Variants in IFT52 observed in about 807,000 individuals in gnomAD.
IFT52 encodes intraflagellar transport protein 52 homolog.
IFT52 carries 44 observed loss-of-function variants against 54.4 expected under a neutral mutation model. The observed-to-expected ratio is 0.81, with a 90% CI of 0.63 to 1.04. The LOEUF (loss-of-function observed/expected upper bound fraction) is 1.04, where lower values mean the gene tolerates loss of function less well. Ranked by LOEUF, IFT52 falls within the 50% of genes least tolerant of loss-of-function variation. The pLI, the probability that IFT52 is intolerant of heterozygous loss-of-function variation, is 0.00. For synonymous variants in IFT52, 181 were observed against 185.3 expected, an observed-to-expected ratio of 0.98 and a Z score of 0.19; for missense variants, 452 against 523.6, an observed-to-expected ratio of 0.86 and a Z score of 1.33.
intron 12 of IFT52, among the ~76,000 whole-genome samples, chr20:43,638,787 G>A (rs1985718418): frequency 6.6e-6 from 1 of 152,158 alleles, no homozygotes; most frequent in South Asian, 2.1e-4. Flanking sequence ...ATATGACACA[G>A]ACAGAATTTA....
chr20:43,595,169 T>G (rs1219399504), intron 2 of IFT52, among the ~76,000 whole-genome samples: 1 of 151,388 alleles, frequency 6.6e-6, no homozygotes, highest in Non-Finnish European at 1.5e-5. Flanking sequence ...AAAAAAAAAA[T>G]TAGCGAAGTG....
chr20:43,642,569 A>C lies in IFT52; in HGVS notation c.1211A>C (p.Lys404Thr). 9 of 1,614,212 alleles carry C rather than the reference A, an allele frequency of 5.6e-6. No individual in the cohort carries two copies. Among genetic ancestry groups the C allele is most frequent in the Non-Finnish European group, 7.6e-6 (9 of 1,180,036 alleles). ...SKLPKDQQDA[K>T]HILEHVFFQV... ...CTACCAAAGGACCAACAGGATGCCA[A>C]ACATATCCTTGAGCACGTCTTCTTC... The change falls in exon 13 of 14, where the codon AAA becomes ACA. Residue 404 changes from lysine to threonine, a missense_variant. By Grantham distance (78) the Lys-to-Thr change is moderately conservative. Coordinates refer to ENST00000373030, the MANE Select transcript of IFT52 (RefSeq NM_016004.5).
At chr20:43,629,599 C>T (rs1985021149) in intron 10 of IFT52, among the ~76,000 whole-genome samples, 2 of 152,032 alleles carry the variant, frequency 1.3e-5, no homozygotes, top group African/African-American at 4.8e-5. Flanking sequence ...GACATTGAAC[C>T]CCCACTTTCT....
rs1984534659 is a variant in IFT52 at position 43,623,988 on chromosome 20, C to G, written c.866C>G (p.Thr289Ser). 8 of 1,614,034 alleles carry G rather than the reference C, an allele frequency of 5.0e-6. No homozygotes were observed. The highest frequency in any genetic ancestry group is 6.8e-6 in the Non-Finnish European group (8 of 1,180,020). ...ESDEIPRDFT[T>S]LFDLSIFQLD... ...GATGAGATCCCAAGGGACTTTACCACCCTCTTCGACCTGTCCATCTTCCAG... is the reference window on the plus strand; with the variant it reads ...GATGAGATCCCAAGGGACTTTACCAGCCTCTTCGACCTGTCCATCTTCCAG... The change falls in exon 10 of 14, where the codon ACC (threonine) becomes AGC (serine). Residue 289 changes from threonine to serine, a missense_variant. Transcript: ENST00000373030.
At chr20:43,616,509 C>CAA (rs1020264770) in intron 7 of IFT52, among the ~76,000 whole-genome samples, 5 of 60,750 alleles carry the variant, frequency 8.2e-5, no homozygotes, top group African/African-American at 1.3e-4. Flanking sequence ...ACACTGTCTC[C>CAA]AAAAAAAAAA....
Position 43,623,931 on chromosome 20 carries a change from C to A in IFT52, c.809C>A (p.Ser270Ter). ...YMMLPYTATL[S>*]KRNRECLQES... ...ATGCTGCCCTACACAGCCACCCTAT[C>A]AAAGCGGAATCGAGAGTGTCTCCAG... The change falls in exon 10 of 14, where the codon TCA becomes TAA. Residue 270 changes from serine (S) to a stop codon, truncating the protein, a stop_gained. Coordinates refer to ENST00000373030, the MANE Select transcript of IFT52 (RefSeq NM_016004.5). LOFTEE classifies it high-confidence loss of function. The A allele has an allele frequency of 2.5e-6, 4 of 1,614,180 alleles. No individual in the cohort carries two copies. The South Asian group carries it at 4.4e-5, about 18-fold the overall frequency.
In IFT52 at chr20:43,620,849, T is replaced by TA. The variant is rs5841515; in HGVS notation, c.700-6dup. 1.1e-3 allele frequency: 1,690 copies of TA among 1,603,734 alleles called. 18 individuals are homozygous for TA. The East Asian group carries it at 0.029, about 28-fold the overall frequency. ...TGTCCTAATTATATACTTTTTTTTTTAATTTAGGATGTTGTTTTCCAGTGG... is the reference window on the plus strand; with the variant it reads ...TGTCCTAATTATATACTTTTTTTTTTAAATTTAGGATGTTGTTTTCCAGTGG... On this transcript the variant is annotated splice_polypyrimidine_tract_variant and splice_region_variant and intron_variant, in intron 8 of 13. Coordinates refer to ENST00000373030, the MANE Select transcript of IFT52 (RefSeq NM_016004.5).
Position 43,644,106 on chromosome 20 carries a change from CA to C in IFT52, c.1266+1492del, listed in dbSNP as rs1223141557. On this transcript the variant is annotated intron_variant, in intron 13 of 13. Coordinates refer to ENST00000373030, the MANE Select transcript of IFT52 (RefSeq NM_016004.5). ...CTGGCGACAGAGCAAGACTCTGTCT[CA>C]AAAAAAAAAGAAAAAGAAATCATCT... 2.0e-4 allele frequency among the ~76,000 whole-genome samples: 10 copies of C among 50,110 alleles called. 2 individuals carry two copies. The highest frequency in any genetic ancestry group is 3.3e-4 in the Non-Finnish European group (7 of 21,106). 32.9% of individuals were successfully genotyped at this position (50,110 alleles called of 152,430 possible).
chr20:43,596,328 C>G lies in IFT52; in HGVS notation c.120-107C>G, dbSNP rs1981956065. 7.5e-6 allele frequency: 5 copies of G among 670,952 alleles called. No homozygotes were observed. In the South Asian group the frequency reaches 1.0e-4, roughly 13 times the overall value. The allele number at this position is 670,952 out of a possible 1,614,324, so 41.6% of individuals were successfully genotyped here. On this transcript the variant is annotated intron_variant, in intron 2 of 13. Coordinates refer to ENST00000373030, the MANE Select transcript of IFT52 (RefSeq NM_016004.5). ...ACCAGTTACCTCTAAATCCCTTCAT[C>G]TCTGAGCCTCTGTGGCCTCTGCTTC...
At chr20:43,607,585 A>G (rs970007368) in intron 6 of IFT52, among the ~76,000 whole-genome samples, 1 of 144,552 alleles carries the variant, frequency 6.9e-6, no homozygotes, top group Non-Finnish European at 1.5e-5. Flanking sequence ...GGCCGGGCAG[A>G]GATGCTCCGC....
chr20:43,605,582 T>G (rs186932510), intron 6 of IFT52, among the ~76,000 whole-genome samples: 284 of 150,904 alleles, frequency 1.9e-3, no homozygotes, highest in African/African-American at 6.6e-3. Context: ...ATTTCTAGGT[T>G]TTTTTTTTTC....
chr20:43,623,876 T>C lies in IFT52; in HGVS notation c.769-15T>C. On this transcript the variant is annotated splice_polypyrimidine_tract_variant and intron_variant, in intron 9 of 13. Transcript: ENST00000373030. ...GCTCTTGCTGTGCTAAAAGGAACCCTCTTGTGGCTTTCAGATTTCTGACTA... is the reference window on the plus strand; with the variant it reads ...GCTCTTGCTGTGCTAAAAGGAACCCCCTTGTGGCTTTCAGATTTCTGACTA... 1 of 1,613,350 alleles carries C rather than the reference T, an allele frequency of 6.2e-7. No homozygotes were observed. Among genetic ancestry groups the C allele is most frequent in the Non-Finnish European group, 8.5e-7 (1 of 1,179,580 alleles).
At chr20:43,615,907 G>A (rs561071489) in intron 7 of IFT52, among the ~76,000 whole-genome samples, 44 of 151,588 alleles carry the variant, frequency 2.9e-4, no homozygotes, top group Non-Finnish European at 5.9e-4. Context: ...CTGCACTCCA[G>A]CCTGGAGGCA....
intron 10 of IFT52, among the ~76,000 whole-genome samples, chr20:43,632,373 G>C (rs1289954649): frequency 6.6e-6 from 1 of 151,680 alleles, no homozygotes; most frequent in Non-Finnish European, 1.5e-5. Flanking sequence ...CAATTCTCCT[G>C]CCTCATCCTC....
At chr20:43,605,768 T>TA (rs1450394394) in intron 6 of IFT52, among the ~76,000 whole-genome samples, 1 of 152,224 alleles carries the variant, frequency 6.6e-6, no homozygotes, top group Non-Finnish European at 1.5e-5. Flanking sequence ...AGGCATGTAT[T>TA]ACCTCATTTA....
At position 43,624,186 on chromosome 20, in the gene IFT52, A is replaced by G. The variant is rs189741461; in HGVS notation, c.923+141A>G. 1.3e-5 allele frequency: 12 copies of G among 919,556 alleles called. No homozygotes were observed. In the African/African-American group the frequency reaches 1.8e-4, roughly 14 times the overall value. 57.0% of individuals were successfully genotyped at this position (919,556 alleles called of 1,614,324 possible). A position where few individuals can be genotyped will look rare whatever the true frequency, so the allele number is the denominator to read the frequency against. ...TCTCAGATCTATGATGAGGTCAACA[A>G]AGAAACTGGGCTGGGCATGAGGGGT... On this transcript the variant is annotated intron_variant, in intron 10 of 13. Coordinates refer to ENST00000373030, the MANE Select transcript of IFT52 (RefSeq NM_016004.5).
intron 10 of IFT52, among the ~76,000 whole-genome samples, chr20:43,629,524 G>C (rs554676611): frequency 1.3e-5 from 2 of 152,016 alleles, no homozygotes; most frequent in African/African-American, 4.8e-5. Flanking sequence ...TGCCCGCCTC[G>C]GCCTCCCAAA....
intron 7 of IFT52, among the ~76,000 whole-genome samples, chr20:43,617,669 C>G (rs918880135): frequency 2.0e-5 from 3 of 152,214 alleles, no homozygotes; most frequent in Admixed American, 2.0e-4. Flanking sequence ...GTCTCGAACT[C>G]CTGGCCTCAA....
At chr20:43,592,708 ACT>A (rs1462086573) in intron 1 of IFT52, among the ~76,000 whole-genome samples, 2 of 152,340 alleles carry the variant, frequency 1.3e-5, no homozygotes, top group Non-Finnish European at 2.9e-5. Flanking sequence ...CATACTTTTA[ACT>A]CTATAAAATT....
Sources: gnomAD v4.1 joint callset for allele counts (sites outside exome capture counted in the v4.1 genomes callset) on GRCh38, gnomAD v4.1.1 for gene constraint, MANE v1.5 for transcripts, NCBI Gene and HGNC (gene_info 2026-07-23, HGNC 2026-07-21) for gene names.